SLCO5A1: variants seen among roughly 807,000 people sequenced by gnomAD.
The protein encoded by SLCO5A1 is organic anion transporter polypeptide-related protein 4.
In SLCO5A1, 39 loss-of-function variants were observed where a neutral mutation model predicts 65.1. The ratio of observed to expected loss-of-function variants is 0.60; its 90% CI spans 0.46 to 0.78. The LOEUF (loss-of-function observed/expected upper bound fraction) is 0.78, where lower values mean the gene tolerates loss of function less well. Ranked by LOEUF, SLCO5A1 falls within the 30% of genes least tolerant of loss-of-function variation. The pLI, the probability that SLCO5A1 is intolerant of heterozygous loss-of-function variation, is 0.00. For missense variants in SLCO5A1, 1,029 were observed against 1,069.4 expected (o/e 0.96, Z 0.53); for synonymous variants, 438 against 415.7 (o/e 1.05, Z -0.65).
chr8:69,747,084 G>C (rs1457268277), intron 4 of SLCO5A1, among the ~76,000 whole-genome samples: 1 of 152,160 alleles, frequency 6.6e-6, no homozygotes, highest in Non-Finnish European at 1.5e-5. Context: ...TCCCAACAAA[G>C]GCTGTGGCCT....
intron 2 of SLCO5A1, among the ~76,000 whole-genome samples, chr8:69,783,701 G>T (rs1172534976): frequency 1.3e-5 from 2 of 151,986 alleles, no homozygotes; most frequent in Non-Finnish European, 2.9e-5. Context: ...TCAATCAGTA[G>T]TTATTTGGTG....
chr8:69,785,314 C>CT (rs1230106470), intron 2 of SLCO5A1, among the ~76,000 whole-genome samples: 2 of 152,112 alleles, frequency 1.3e-5, no homozygotes, highest in East Asian at 3.8e-4. Flanking sequence ...AAATATAGGA[C>CT]TATAGATATT....
intron 5 of SLCO5A1, chr8:69,715,043 C>G (rs1323222596): frequency 6.6e-6 from 1 of 152,140 alleles, no homozygotes; most frequent in Non-Finnish European, 1.5e-5. Context: ...GAAAGGGATT[C>G]AAAAATCAAA....
At chr8:69,696,397 A>G (rs1814500919) in intron 6 of SLCO5A1, among the ~76,000 whole-genome samples, 1 of 152,202 alleles carries the variant, frequency 6.6e-6, no homozygotes, top group Non-Finnish European at 1.5e-5. Context: ...TCTGAGCTCA[A>G]AGTGAGCAGA....
intron 5 of SLCO5A1, among the ~76,000 whole-genome samples, chr8:69,717,060 G>A (rs1448508756): frequency 2.0e-5 from 3 of 152,148 alleles, no homozygotes; most frequent in African/African-American, 7.2e-5. Flanking sequence ...TTACAGATAT[G>A]AGCCACCATG....
chr8:69,810,678 G>A (rs1820173326), intron 2 of SLCO5A1, among the ~76,000 whole-genome samples: 1 of 152,168 alleles, frequency 6.6e-6, no homozygotes, highest in South Asian at 2.1e-4. Context: ...TCTGAATGGA[G>A]CATCAATAGA....
At chr8:69,785,700 T>C (rs1463221313) in intron 2 of SLCO5A1, among the ~76,000 whole-genome samples, 2 of 152,210 alleles carry the variant, frequency 1.3e-5, no homozygotes, top group East Asian at 3.8e-4. Flanking sequence ...ATCCAAGTAC[T>C]ACACTATACC....
chr8:69,769,389 C>T (rs1818217583), intron 2 of SLCO5A1, among the ~76,000 whole-genome samples: 1 of 152,190 alleles, frequency 6.6e-6, no homozygotes, highest in Non-Finnish European at 1.5e-5. Flanking sequence ...ACCTAAAATA[C>T]TGAACTATTG....
intron 2 of SLCO5A1, among the ~76,000 whole-genome samples, chr8:69,812,888 T>C (rs1016473178): frequency 6.6e-6 from 1 of 152,240 alleles, no homozygotes; most frequent in Non-Finnish European, 1.5e-5. Context: ...ATTTTTCAGA[T>C]TTCTCTACGA....
chr8:69,690,300 C>G (rs1376970565), intron 6 of SLCO5A1, among the ~76,000 whole-genome samples: 1 of 152,214 alleles, frequency 6.6e-6, no homozygotes. Context: ...CACCATTTAC[C>G]TGTGCTTCAT....
At chr8:69,826,748 A>G (rs1231375269) in intron 2 of SLCO5A1, among the ~76,000 whole-genome samples, 1 of 152,206 alleles carries the variant, frequency 6.6e-6, no homozygotes, top group Non-Finnish European at 1.5e-5. Context: ...GCGATTCCTC[A>G]GGGATCTAGA....
chr8:69,753,848 TA>T (rs71275012), intron 4 of SLCO5A1, among the ~76,000 whole-genome samples: 190 of 143,236 alleles, frequency 1.3e-3, no homozygotes, highest in East Asian at 1.8e-3. Context: ...CCATCTCTGC[TA>T]AAAAAAAAAA....
At chr8:69,784,845 A>AAGAAAGAAAGAAAGAAAGAAAGAAAGAC (rs1818952622) in intron 2 of SLCO5A1, among the ~76,000 whole-genome samples, 3 of 147,932 alleles carry the variant, frequency 2.0e-5, no homozygotes, top group African/African-American at 7.5e-5. Context: ...GAAAGAAAGA[A>AAGAAAGAAAGAAAGAAAGAAAGAAAGAC]AGAAAGAAAG....
At chr8:69,674,385 G>T (rs1281064671) in intron 9 of SLCO5A1, among the ~76,000 whole-genome samples, 1 of 152,112 alleles carries the variant, frequency 6.6e-6, no homozygotes, top group Non-Finnish European at 1.5e-5. Context: ...AGGATAGGCA[G>T]GCTGATAACC....
At chr8:69,696,999 A>G (rs1241075934) in intron 6 of SLCO5A1, among the ~76,000 whole-genome samples, 5 of 152,216 alleles carry the variant, frequency 3.3e-5, no homozygotes, top group Admixed American at 1.3e-4. Flanking sequence ...AATTAAACAC[A>G]CAGGCAACCA....
chr8:69,760,436 T>A (rs2130862970), intron 3 of SLCO5A1, among the ~76,000 whole-genome samples: 1 of 152,308 alleles, frequency 6.6e-6, no homozygotes, highest in Non-Finnish European at 1.5e-5. Flanking sequence ...AAATCAATAG[T>A]GTTAAACATT....
At chr8:69,800,256 T>C (rs1819676125) in intron 2 of SLCO5A1, among the ~76,000 whole-genome samples, 1 of 145,896 alleles carries the variant, frequency 6.9e-6, no homozygotes, top group African/African-American at 2.5e-5. Flanking sequence ...TTTTTTTTTT[T>C]TTTTTTTTTT....
At chr8:69,755,926 C>T (rs1157832157) in intron 3 of SLCO5A1, among the ~76,000 whole-genome samples, 5 of 152,316 alleles carry the variant, frequency 3.3e-5, no homozygotes, top group African/African-American at 1.2e-4. Flanking sequence ...TGAGTTAGTT[C>T]TGCTAGCATT....
intron 2 of SLCO5A1, chr8:69,773,070 G>T: frequency 1.8e-6 from 1 of 563,058 alleles, no homozygotes; most frequent in Middle Eastern, 8.8e-4. Context: ...AGCACACATG[G>T]GCAAAGGCAC....
Sources: gnomAD v4.1 joint callset for allele counts (sites outside exome capture counted in the v4.1 genomes callset) on GRCh38, gnomAD v4.1.1 for gene constraint, MANE v1.5 for transcripts, NCBI Gene and HGNC (gene_info 2026-07-23, HGNC 2026-07-21) for gene names.